The following COL5A2 variants were observed in gnomAD, a reference collection of about 807,000 sequenced individuals.
COL5A2 encodes collagen alpha-2(V) chain.
Under a neutral mutation model 208.2 loss-of-function variants are expected in COL5A2, and 23 were observed. The ratio of observed to expected loss-of-function variants is 0.11; its 90% CI spans 0.08 to 0.16. The LOEUF (loss-of-function observed/expected upper bound fraction) is 0.16. COL5A2 is among the 10% of genes least tolerant of loss of function. The pLI is 1.00. For synonymous variants in COL5A2, 625 were observed against 628.5 expected (o/e 0.99, Z 0.08); for missense variants, 1,590 against 1,956.4 (o/e 0.81, Z 3.53).
chr2:189,422,969 G>A, the COL5A2 span, among the ~76,000 whole-genome samples: 1 of 149,524 alleles, frequency 6.7e-6, no homozygotes, highest in African/African-American at 2.5e-5. Flanking sequence ...GTTGTGGTGA[G>A]CCGAGATTGT....
At chr2:189,403,962 A>T in the COL5A2 span, among the ~76,000 whole-genome samples, 1 of 151,896 alleles carries the variant, frequency 6.6e-6, no homozygotes, top group Non-Finnish European at 1.5e-5. Context: ...CAATCTCCTG[A>T]CCTCGTGATC....
At chr2:189,145,918 T>G (rs1296721082) in intron 1 of COL5A2, among the ~76,000 whole-genome samples, 1 of 152,090 alleles carries the variant, frequency 6.6e-6, no homozygotes, top group African/African-American at 2.4e-5. Context: ...GAGTTTGCCA[T>G]GTACATGAGT....
chr2:189,435,772 T>A, the COL5A2 span, among the ~76,000 whole-genome samples: 1 of 152,198 alleles, frequency 6.6e-6, no homozygotes. Context: ...AGTGTGGCGA[T>A]TCCTCAGGGA....
At chr2:189,190,114 G>A (rs1387092523) in intron 1 of COL5A2, among the ~76,000 whole-genome samples, 1 of 152,038 alleles carries the variant, frequency 6.6e-6, no homozygotes, top group African/African-American at 2.4e-5. Context: ...CTACAAAAAA[G>A]GGGGGGTCAT....
chr2:189,166,646 G>A (rs1483033288), intron 1 of COL5A2, among the ~76,000 whole-genome samples: 1 of 152,192 alleles, frequency 6.6e-6, no homozygotes, highest in Non-Finnish European at 1.5e-5. Flanking sequence ...CCCTCCGTGG[G>A]CAAGTAGAGT....
the COL5A2 span, among the ~76,000 whole-genome samples, chr2:189,370,532 A>C: frequency 6.6e-6 from 1 of 152,172 alleles, no homozygotes; most frequent in African/African-American, 2.4e-5. Flanking sequence ...CACATTATCT[A>C]AAATAAAACA....
At chr2:189,168,254 T>A (rs1688509055) in intron 1 of COL5A2, among the ~76,000 whole-genome samples, 1 of 151,180 alleles carries the variant, frequency 6.6e-6, no homozygotes, top group African/African-American at 2.4e-5. Flanking sequence ...TTTTTTTTTT[T>A]AATTCTTACA....
intron 1 of COL5A2, among the ~76,000 whole-genome samples, chr2:189,199,933 G>A (rs1464190963): frequency 6.6e-6 from 1 of 152,080 alleles, no homozygotes; most frequent in Non-Finnish European, 1.5e-5. Context: ...GCTTTTTATT[G>A]GGGTTAGGCC....
intron 1 of COL5A2, among the ~76,000 whole-genome samples, chr2:189,178,381 A>G (rs1356768517): frequency 6.6e-6 from 1 of 152,036 alleles, no homozygotes; most frequent in African/African-American, 2.4e-5. Context: ...AGATATATAC[A>G]TAGTATATAT....
chr2:189,383,362 T>C, the COL5A2 span, among the ~76,000 whole-genome samples: 1 of 152,120 alleles, frequency 6.6e-6, no homozygotes, highest in Non-Finnish European at 1.5e-5. Context: ...CATTTTATAA[T>C]GGCATCAGCC....
chr2:189,201,352 C>G (rs1179770238), intron 1 of COL5A2, among the ~76,000 whole-genome samples: 1 of 151,728 alleles, frequency 6.6e-6, no homozygotes, highest in African/African-American at 2.4e-5. Context: ...CCAAAGGAGG[C>G]AGACTTAACA....
chr2:189,079,759 C>T (rs1031205941), intron 14 of COL5A2, among the ~76,000 whole-genome samples: 1 of 152,152 alleles, frequency 6.6e-6, no homozygotes, highest in Non-Finnish European at 1.5e-5. Context: ...CCTACACTGG[C>T]AGACACCCAG....
At chr2:189,389,645 T>C in the COL5A2 span, among the ~76,000 whole-genome samples, 1 of 152,164 alleles carries the variant, frequency 6.6e-6, no homozygotes, top group Non-Finnish European at 1.5e-5. Context: ...TGGAAATCTG[T>C]AAAGGAGTTG....
the COL5A2 span, among the ~76,000 whole-genome samples, chr2:189,349,842 T>A: frequency 6.6e-6 from 1 of 152,156 alleles, no homozygotes; most frequent in African/African-American, 2.4e-5. Context: ...ATACTGATGC[T>A]TTCAAAGTAA....
At chr2:189,406,839 A>G in the COL5A2 span, among the ~76,000 whole-genome samples, 2 of 152,130 alleles carry the variant, frequency 1.3e-5, no homozygotes, top group Non-Finnish European at 2.9e-5. Context: ...GACAAAGTAC[A>G]CACAGAGAAA....
Position 189,034,117 on chromosome 2 carries a change from T to G in COL5A2, c.4453A>C (p.Thr1485Pro), listed in dbSNP as rs11553463. The stretch of plus-strand genomic sequence containing the variant: ...ATTTCAACGCCGAATTCCTGGTCTG[T>G]GCCGCCAACATCCACAGGAGCAAGA... ...IDLAPVDVGG[T>P]DQEFGVEIGP... Residue 1485 changes from threonine to proline, a missense_variant, in exon 54 of 54, where the codon ACA becomes CCA. Thr to Pro is a conservative substitution (Grantham distance 38). Coordinates refer to ENST00000374866, the MANE Select transcript of COL5A2 (RefSeq NM_000393.5). 3.1e-6 allele frequency: 5 copies of G among 1,613,934 alleles called. No homozygotes were observed. In the African/African-American group the frequency reaches 4.0e-5, roughly 13 times the overall value.
At chr2:189,283,624 A>G in the COL5A2 span, among the ~76,000 whole-genome samples, 4 of 152,142 alleles carry the variant, frequency 2.6e-5, no homozygotes, top group Admixed American at 1.3e-4. Context: ...ACAAAAAAAA[A>G]GGGGGATTTT....
intron 1 of COL5A2, among the ~76,000 whole-genome samples, chr2:189,166,221 C>T (rs1015507454): frequency 6.6e-6 from 1 of 152,280 alleles, no homozygotes; most frequent in South Asian, 2.1e-4. Flanking sequence ...TCTTGCTGCT[C>T]TCCATACCCT....
chr2:189,058,761 A>C, intron 32 of COL5A2, 88 bp downstream of exon 32: 2 of 1,246,370 alleles, frequency 1.6e-6, no homozygotes, highest in South Asian at 2.6e-5. Flanking sequence ...ATAGGTTAAA[A>C]TAAATCCCAG....
Sources: gnomAD v4.1 joint callset for allele counts (sites outside exome capture counted in the v4.1 genomes callset) on GRCh38, gnomAD v4.1.1 for gene constraint, MANE v1.5 for transcripts, NCBI Gene and HGNC (gene_info 2026-07-23, HGNC 2026-07-21) for gene names.